The following TBXAS1 variants were observed in gnomAD, a reference collection of about 807,000 sequenced individuals.
TBXAS1 encodes the protein thromboxane-A synthase.
Under a neutral mutation model 60.7 loss-of-function variants are expected in TBXAS1, and 48 were observed. That is an observed-to-expected ratio of 0.79 (90% confidence interval 0.63 to 1.01). TBXAS1 has a LOEUF of 1.01. Ranked by LOEUF, TBXAS1 falls within the 50% of genes least tolerant of loss-of-function variation. TBXAS1 has a pLI of 0.00. For missense variants in TBXAS1, 685 were observed against 686.3 expected, an observed-to-expected ratio of 1.00 and a Z score of 0.02; for synonymous variants, 287 against 269.7, an observed-to-expected ratio of 1.06 and a Z score of -0.63.
chr7:139,836,046 A>G (rs1240906235), intron 1 of TBXAS1, among the ~76,000 whole-genome samples: 3 of 141,772 alleles, frequency 2.1e-5, no homozygotes, highest in Non-Finnish European at 4.5e-5. Flanking sequence ...AAATAAATAA[A>G]TAAATAAATA....
chr7:139,918,983 A>T (rs1044444216), intron 4 of TBXAS1, among the ~76,000 whole-genome samples: 1 of 151,938 alleles, frequency 6.6e-6, no homozygotes, highest in Non-Finnish European at 1.5e-5. Context: ...TTTACATTTT[A>T]ATTTTTTTAT....
intron 4 of TBXAS1, among the ~76,000 whole-genome samples, chr7:139,812,795 G>A (rs547544529): frequency 1.3e-3 from 201 of 152,226 alleles, no homozygotes; most frequent in African/African-American, 4.6e-3. Flanking sequence ...GGTGACTCAC[G>A]CCTGTAATCC....
chr7:139,862,123 A>C (rs192654980), intron 1 of TBXAS1, among the ~76,000 whole-genome samples: 4 of 152,336 alleles, frequency 2.6e-5, no homozygotes, highest in Admixed American at 2.6e-4. Context: ...ATTAACTGTA[A>C]AATGCCTAAC....
At chr7:139,900,544 G>T (rs1804485122) in intron 3 of TBXAS1, among the ~76,000 whole-genome samples, 1 of 152,208 alleles carries the variant, frequency 6.6e-6, no homozygotes, top group South Asian at 2.1e-4. Flanking sequence ...AGAAAAAGGG[G>T]CACCATACTA....
At chr7:139,861,974 G>A (rs1209411677) in intron 1 of TBXAS1, among the ~76,000 whole-genome samples, 1 of 152,202 alleles carries the variant, frequency 6.6e-6, no homozygotes, top group African/African-American at 2.4e-5. Flanking sequence ...GGGAGGGACA[G>A]TCATGTCTTA....
chr7:139,872,178 C>A (rs1801866909), intron 1 of TBXAS1, 57 bp from the exon 2 acceptor site: 7 of 1,496,946 alleles, frequency 4.7e-6, no homozygotes, highest in Non-Finnish European at 6.5e-6. Context: ...CCTAATAGAG[C>A]CTAAAGCATG....
Position 139,953,520 on chromosome 7 carries a change from A to G in TBXAS1, c.539+64A>G, listed in dbSNP as rs954169694. The G allele has an allele frequency of 3.0e-5, 45 of 1,481,962 alleles. 1 individual carries two copies. In the Admixed American group the frequency reaches 3.9e-4, roughly 13 times the overall value. The allele number at this position is 1,481,962 out of a possible 1,614,324, so 91.8% of individuals were successfully genotyped here. A position where few individuals can be genotyped will look rare whatever the true frequency, so the allele number is the denominator to read the frequency against. ...GAATCACTGCTTCTTGTAACTGTCCATAATTGCTGACAATTACCTTGGGAC... is the reference window on the plus strand; with the variant it reads ...GAATCACTGCTTCTTGTAACTGTCCGTAATTGCTGACAATTACCTTGGGAC... On this transcript the variant is annotated intron_variant, in intron 6 of 12. Transcript: ENST00000448866.
At chr7:139,915,769 C>T (rs2117073583) in intron 4 of TBXAS1, among the ~76,000 whole-genome samples, 1 of 152,356 alleles carries the variant, frequency 6.6e-6, no homozygotes, top group East Asian at 1.9e-4. Context: ...CAAATATCAT[C>T]CTGTGAAATA....
intron 9 of TBXAS1, among the ~76,000 whole-genome samples, chr7:139,998,261 G>T (rs1281055975): frequency 6.6e-6 from 1 of 152,228 alleles, no homozygotes; most frequent in Non-Finnish European, 1.5e-5. Flanking sequence ...GTGCTGGAAG[G>T]TTCTGTCTTG....
intron 1 of TBXAS1, among the ~76,000 whole-genome samples, chr7:139,833,326 G>A (rs972480582): frequency 2.0e-5 from 3 of 152,094 alleles, no homozygotes; most frequent in African/African-American, 7.2e-5. Flanking sequence ...CCAAAAGCGA[G>A]TAGAGCAACG....
intron 9 of TBXAS1, among the ~76,000 whole-genome samples, chr7:139,977,234 A>T (rs1159053468): frequency 6.6e-6 from 1 of 152,200 alleles, no homozygotes; most frequent in Non-Finnish European, 1.5e-5. Flanking sequence ...GGTTTCATGG[A>T]CTTACAGTTC....
intron 5 of TBXAS1, chr7:139,952,838 C>T: frequency 1.3e-6 from 1 of 797,014 alleles, no homozygotes; most frequent in Non-Finnish European, 1.9e-6. Context: ...GAATAACCAT[C>T]CATCAGGAAT....
intron 1 of TBXAS1, among the ~76,000 whole-genome samples, chr7:139,859,165 G>A (rs1282887451): frequency 6.6e-6 from 1 of 150,642 alleles, no homozygotes; most frequent in Non-Finnish European, 1.5e-5. Context: ...GTGAGCCACC[G>A]TGCCCGGCCC....
chr7:139,938,570 A>G (rs557175486), intron 5 of TBXAS1, among the ~76,000 whole-genome samples: 74 of 152,272 alleles, frequency 4.9e-4, no homozygotes, highest in African/African-American at 1.7e-3. Context: ...GCTAGAAACC[A>G]CTGCTCTAAA....
chr7:139,809,357 TAGATAGATAGAC>T lies in TBXAS1; in HGVS notation c.-79-19951_-79-19940del, dbSNP rs1242150366. Among the ~76,000 whole-genome samples the T allele has an allele frequency of 2.7e-3, 400 of 149,296 alleles. 1 individual carries two copies. The highest frequency in any genetic ancestry group is 9.7e-3 in the African/African-American group (380 of 39,028). ...ATAGATAGATAGATAGATAGATAGA[TAGATAGATAGAC>T]AGACAGAACCAACAGGAGATAGATA... On this transcript the variant is annotated intron_variant, in intron 4 of 16. Coordinates refer to the TBXAS1 transcript ENST00000336425.
chr7:140,016,681 T>A (rs1357152838), intron 11 of TBXAS1: 1 of 158,698 alleles, frequency 6.3e-6, no homozygotes, highest in African/African-American at 2.4e-5. Context: ...CTCCTTTCAT[T>A]TCTGGGCTCT....
chr7:139,898,350 T>A (rs1045083567), intron 3 of TBXAS1, among the ~76,000 whole-genome samples: 5 of 150,802 alleles, frequency 3.3e-5, no homozygotes, highest in Admixed American at 3.3e-4. Flanking sequence ...TTAGCAGTTG[T>A]CAGAGGAGCT....
At chr7:140,017,245 C>T (rs1815153461) in intron 11 of TBXAS1, among the ~76,000 whole-genome samples, 1 of 152,160 alleles carries the variant, frequency 6.6e-6, no homozygotes, top group Non-Finnish European at 1.5e-5. Context: ...TGCTGAGGTG[C>T]CCGGTACCCT....
intron 4 of TBXAS1, among the ~76,000 whole-genome samples, chr7:139,930,461 T>A (rs1807228668): frequency 6.6e-6 from 1 of 152,104 alleles, no homozygotes; most frequent in South Asian, 2.1e-4. Flanking sequence ...ATTGAGAAAC[T>A]GTAGAGAGGT....
Sources: gnomAD v4.1 joint callset for allele counts (sites outside exome capture counted in the v4.1 genomes callset) on GRCh38, gnomAD v4.1.1 for gene constraint, MANE v1.5 for transcripts, NCBI Gene and HGNC (gene_info 2026-07-23, HGNC 2026-07-21) for gene names.